The following CYREN variants were observed in gnomAD, a reference collection of about 807,000 sequenced individuals.
CYREN encodes cell cycle regulator of non-homologous end joining.
In CYREN, 7 loss-of-function variants were observed where a neutral mutation model predicts 9.7. The observed-to-expected ratio is 0.72, with a 90% CI of 0.41 to 1.36. The LOEUF (loss-of-function observed/expected upper bound fraction) is 1.36. CYREN is among the 40% of genes most tolerant of loss of function. CYREN has a pLI of 0.01. For synonymous variants in CYREN, 76 were observed against 77.9 expected, an observed-to-expected ratio of 0.98 and a Z score of 0.13; for missense variants, 215 against 198.1, an observed-to-expected ratio of 1.09 and a Z score of -0.51.
intron 2 of CYREN, among the ~76,000 whole-genome samples, chr7:135,119,080 A>G (rs1182388188): frequency 6.6e-6 from 1 of 152,190 alleles, no homozygotes; most frequent in African/African-American, 2.4e-5. Context: ...GAAGGACAGG[A>G]GAATGAATAT....
intron 2 of CYREN, among the ~76,000 whole-genome samples, chr7:135,139,884 G>A (rs966774208): frequency 1.3e-5 from 2 of 151,416 alleles, no homozygotes; most frequent in Admixed American, 6.6e-5. Flanking sequence ...ATGGTTGTAG[G>A]GTACAACATT....
intron 2 of CYREN, chr7:135,128,918 G>T (rs893128367): frequency 1.3e-6 from 2 of 1,509,030 alleles, no homozygotes; most frequent in African/African-American, 2.8e-5. Flanking sequence ...ATAGTAATTT[G>T]TTCCTGTGCA....
At chr7:135,168,307 C>CCCCCCCG (rs1562932173) in intron 2 of CYREN, 1 of 92,590 alleles carries the variant, frequency 1.1e-5, no homozygotes, top group African/African-American at 4.1e-5. Context: ...CCCCCGCCCC[C>CCCCCCCG]CCCCGGCAAT....
At chr7:135,136,186 T>C (rs1005856353) in intron 2 of CYREN, among the ~76,000 whole-genome samples, 14 of 152,074 alleles carry the variant, frequency 9.2e-5, no homozygotes, top group Non-Finnish European at 1.8e-4. Context: ...AGGATGAGGC[T>C]AAGCATAAGA....
intron 2 of CYREN, chr7:135,094,598 G>C (rs958437823): frequency 1.8e-5 from 8 of 453,360 alleles, no homozygotes; most frequent in African/African-American, 1.6e-4. Context: ...AAGGGGAGAA[G>C]AAGAGTAAAC....
chr7:135,096,558 A>AAGAAAGAAAGATAGAT (rs1303741491), intron 2 of CYREN, among the ~76,000 whole-genome samples: 2 of 79,720 alleles, frequency 2.5e-5, no homozygotes, highest in East Asian at 3.0e-4. Flanking sequence ...GAAAGAAAGA[A>AAGAAAGAAAGATAGAT]AGATAGATAG....
chr7:135,094,998 G>A (rs1358268100), intron 2 of CYREN, among the ~76,000 whole-genome samples: 1 of 152,158 alleles, frequency 6.6e-6, no homozygotes, highest in Non-Finnish European at 1.5e-5. Context: ...TAGTTCCCTT[G>A]TTGGTCTCAC....
At chr7:135,121,055 A>G (rs1356510232) in intron 2 of CYREN, among the ~76,000 whole-genome samples, 3 of 152,172 alleles carry the variant, frequency 2.0e-5, no homozygotes. Context: ...AATACAAAAA[A>G]TTAGCCGGGT....
At chr7:135,107,165 T>C (rs957562413) in intron 2 of CYREN, among the ~76,000 whole-genome samples, 1 of 151,862 alleles carries the variant, frequency 6.6e-6, no homozygotes, top group South Asian at 2.1e-4. Flanking sequence ...AAAAGCCAAC[T>C]CCTGGATTAA....
intron 2 of CYREN, chr7:135,094,687 A>G (rs1822386714): frequency 2.7e-6 from 1 of 363,912 alleles, no homozygotes; most frequent in Non-Finnish European, 5.4e-6. Flanking sequence ...GAGAAAATCA[A>G]TAGGTTAGAG....
intron 2 of CYREN, chr7:135,128,639 C>G (rs1828293368): frequency 1.1e-6 from 1 of 878,796 alleles, no homozygotes; most frequent in Admixed American, 1.8e-5. Context: ...TCCCGTTTGC[C>G]TGGATGCAAT....
At chr7:135,118,046 A>G (rs1246337571) in intron 2 of CYREN, among the ~76,000 whole-genome samples, 2 of 152,192 alleles carry the variant, frequency 1.3e-5, no homozygotes, top group African/African-American at 4.8e-5. Context: ...AAACCCTTGG[A>G]TGTTTTCCAT....
chr7:135,108,879 C>G (rs1825180717), intron 2 of CYREN, among the ~76,000 whole-genome samples: 1 of 152,136 alleles, frequency 6.6e-6, no homozygotes, highest in African/African-American at 2.4e-5. Context: ...TTGTTCATTC[C>G]TTTTTATTCT....
intron 2 of CYREN, among the ~76,000 whole-genome samples, chr7:135,150,828 C>T (rs1020651163): frequency 5.3e-5 from 8 of 152,162 alleles, no homozygotes; most frequent in Non-Finnish European, 1.2e-4. Flanking sequence ...TGCATTCCAC[C>T]CTGGGTGACA....
chr7:135,119,592 G>A (rs181376990), intron 2 of CYREN, among the ~76,000 whole-genome samples: 74 of 151,784 alleles, frequency 4.9e-4, no homozygotes, highest in African/African-American at 1.6e-3. Context: ...AAAGGAGTCA[G>A]AGAGGCTGGG....
intron 2 of CYREN, among the ~76,000 whole-genome samples, chr7:135,128,158 G>C (rs1370662658): frequency 6.6e-6 from 1 of 151,752 alleles, no homozygotes; most frequent in South Asian, 2.1e-4. Context: ...CAGGTGTGGT[G>C]GTGAGTGCCT....
rs202204569 is a variant in CYREN at position 135,119,233 on chromosome 7, A to AT, written n.357-24652_357-24651insA. On this transcript the variant is annotated intron_variant and non_coding_transcript_variant, in intron 2 of 2. Coordinates refer to the CYREN transcript ENST00000459937. ...TCATGCCAAGATACCCCAAAATTTA[A>AT]ATTTTTTTTTTTTTGAGACAAAGTC... Among the ~76,000 whole-genome samples the AT allele has an allele frequency of 4.1e-3, 619 of 149,376 alleles. 5 individuals are homozygous for AT. The highest frequency in any genetic ancestry group is 0.025 in the South Asian group (115 of 4,664).
chr7:135,143,591 T>G (rs1391105894), intron 2 of CYREN, among the ~76,000 whole-genome samples: 2 of 152,142 alleles, frequency 1.3e-5, no homozygotes, highest in East Asian at 3.9e-4. Context: ...TCTCTGTACC[T>G]TCCTCTCAAT....
chr7:135,159,361 G>A (rs1250126816), intron 2 of CYREN, among the ~76,000 whole-genome samples: 2 of 152,196 alleles, frequency 1.3e-5, no homozygotes, highest in East Asian at 3.8e-4. Flanking sequence ...TACAATATTT[G>A]TGTCTCTTTC....
Sources: gnomAD v4.1 joint callset for allele counts (sites outside exome capture counted in the v4.1 genomes callset) on GRCh38, gnomAD v4.1.1 for gene constraint, MANE v1.5 for transcripts, NCBI Gene and HGNC (gene_info 2026-07-23, HGNC 2026-07-21) for gene names.